HERC2: variants seen among roughly 807,000 people sequenced by gnomAD.
HERC2 encodes E3 ubiquitin-protein ligase HERC2.
In HERC2, 102 loss-of-function variants were observed where a neutral mutation model predicts 537.7. The observed-to-expected ratio is 0.19, with a 90% CI of 0.16 to 0.22. HERC2 has a LOEUF of 0.22. Ranked by LOEUF, HERC2 falls within the 10% of genes least tolerant of loss-of-function variation. The probability of loss-of-function intolerance (pLI) is 1.00; values close to 1 mark genes in which losing one functional copy is unlikely to be tolerated. For missense variants in HERC2, 4,236 were observed against 6,198.2 expected (o/e 0.68, Z 10.63); for synonymous variants, 2,224 against 2,466.2 (o/e 0.90, Z 2.91).
At position 28,212,565 on chromosome 15, in the gene HERC2, T is replaced by C. The variant is rs755541909; in HGVS notation, c.6805A>G (p.Asn2269Asp). Residue 2269 changes from asparagine to aspartate, a missense_variant, in exon 43 of 93, where the codon AAT (asparagine) becomes GAT (aspartate). By Grantham distance (23) the Asn-to-Asp change is conservative. Around this residue, in one of 27 missense-constraint regions of HERC2, gnomAD observed 67 missense variants for 140.1 expected, o/e 0.48. Coordinates refer to ENST00000261609, the MANE Select transcript of HERC2 (RefSeq NM_004667.6). Reference protein sequence around the residue: ...QLKPLPAVAFNVNNLPFTEPM... With the variant: ...QLKPLPAVAFDVNNLPFTEPM... ...TCTGTGAAGGGCAGGTTGTTCACATTAAAGGCCACGGCAGGGAGCTGGAGA... is the reference window on the plus strand; with the variant it reads ...TCTGTGAAGGGCAGGTTGTTCACATCAAAGGCCACGGCAGGGAGCTGGAGA... 5 of 1,604,766 alleles carry C rather than the reference T, an allele frequency of 3.1e-6. No individual in the cohort carries two copies. The highest frequency in any genetic ancestry group is 4.3e-6 in the Non-Finnish European group (5 of 1,173,892).
chr15:28,127,186 G>C (rs1889589500), intron 83 of HERC2, among the ~76,000 whole-genome samples: 1 of 152,222 alleles, frequency 6.6e-6, no homozygotes. Flanking sequence ...TGGTCCTAAA[G>C]CCACGAGGCG....
At chr15:28,274,241 C>CA (rs778248503) in intron 7 of HERC2, 50 bp downstream of exon 7, 3 of 1,599,288 alleles carry the variant, frequency 1.9e-6, no homozygotes, top group Non-Finnish European at 2.6e-6. Flanking sequence ...GAACCAGCCT[C>CA]AAGCAGGCCA....
rs551327935 is a variant in HERC2, at chr15:28,284,919, G to GAAA, written c.323-4635_323-4633dup. Among the ~76,000 whole-genome samples the GAAA allele has an allele frequency of 1.9e-3, 61 of 32,546 alleles. 8 individuals carry two copies. The highest frequency in any genetic ancestry group is 0.036 in the Middle Eastern group (1 of 28). 21.4% of individuals were successfully genotyped at this position (32,546 alleles called of 152,430 possible). A position where few individuals can be genotyped will look rare whatever the true frequency, so the allele number is the denominator to read the frequency against. ...GCAAAAGGAGCGAAACTCCGTCTCG[G>GAAA]AAAAAAAAAAAAAAAAAAAAAAAAA... On this transcript the variant is annotated intron_variant, in intron 4 of 92. Transcript: ENST00000261609.
At chr15:28,112,946 A>G (rs565215554) in intron 92 of HERC2, 125 bp downstream of exon 92, 3 of 740,924 alleles carry the variant, frequency 4.0e-6, no homozygotes, top group African/African-American at 3.5e-5. Context: ...GATGTTTTCC[A>G]TTTTCATTTC....
chr15:28,268,515 C>G lies in HERC2; in HGVS notation c.1548G>C (p.Val516=). The G allele has an allele frequency of 6.2e-7, 1 of 1,614,168 alleles. No homozygotes were observed. Among genetic ancestry groups the G allele is most frequent in the Non-Finnish European group, 8.5e-7 (1 of 1,179,998 alleles). ...CGCCGTCCCCACAGCCCCAGGAGTA[C>G]ACCTCTCCAGTAGCAGCCAAGGCTA... ...HYLALAATGE[V]YSWGCGDGGR... The change falls in exon 12 of 93, where the codon GTG becomes GTC. Residue 516 remains valine (V), a synonymous_variant. Coordinates refer to ENST00000261609, the MANE Select transcript of HERC2 (RefSeq NM_004667.6). The surrounding 1 kb of genome is among the most constrained non-coding windows in gnomAD (Gnocchi z 4.7).
Position 28,163,254 on chromosome 15 carries a change from G to C in HERC2, c.10586C>G (p.Pro3529Arg). ...DVESQNKAAG[P>R]EPQALDEFTS... ...GAACTCATCCAAGGCCTGAGGCTCC[G>C]GACCTGCTGCTTTATTTTGGCTTTC... is the stretch of plus-strand genomic sequence containing the variant. The change falls in exon 69 of 93, where the codon CCG becomes CGG. Residue 3529 changes from proline (P) to arginine (R), a missense_variant. Pro to Arg is a moderately radical substitution (Grantham distance 103, BLOSUM62 -2). Transcript: ENST00000261609. 6.2e-7 allele frequency: 1 copy of C among 1,613,470 alleles called. No homozygotes were observed. The highest frequency in any genetic ancestry group is 8.5e-7 in the Non-Finnish European group (1 of 1,179,956).
intron 4 of HERC2, among the ~76,000 whole-genome samples, chr15:28,285,505 T>A (rs1235356607): frequency 1.3e-5 from 2 of 151,648 alleles, no homozygotes; most frequent in Non-Finnish European, 2.9e-5. Context: ...TGAGAGAAAA[T>A]GCAAGTACAA....
intron 35 of HERC2, 78 bp downstream of exon 35, chr15:28,228,140 A>AG (rs895798825): frequency 3.5e-5 from 45 of 1,304,140 alleles, no homozygotes; most frequent in Non-Finnish European, 4.3e-5. Flanking sequence ...AAAAAAAAAA[A>AG]AAAAGAAAAG....
intron 79 of HERC2, among the ~76,000 whole-genome samples, chr15:28,135,267 C>CT (rs1890517012): frequency 1.3e-5 from 2 of 151,994 alleles, no homozygotes; most frequent in Admixed American, 6.6e-5. Flanking sequence ...ACAGAATTGA[C>CT]TTTTTTTTCC....
In HERC2 at chr15:28,230,362, T is replaced by G. The variant is rs34290977; in HGVS notation, c.4809+5A>C. On this transcript the variant is annotated splice_donor_5th_base_variant and intron_variant, in intron 31 of 92. Transcript: ENST00000261609. ...CCAACCTCAGAATCACAGAAAATAC[T>G]GCACCTTGGGTGATTTAATTGCAAT... 6.3e-7 allele frequency: 1 copy of G among 1,585,156 alleles called. No individual in the cohort carries two copies. Among genetic ancestry groups the G allele is most frequent in the Non-Finnish European group, 8.5e-7 (1 of 1,170,404 alleles).
intron 21 of HERC2, 55 bp from the exon 22 acceptor site, chr15:28,246,952 A>G: frequency 6.9e-7 from 1 of 1,447,956 alleles, no homozygotes; most frequent in Non-Finnish European, 9.6e-7. Flanking sequence ...TTCTTTGTAA[A>G]CAAACTAACT....
In HERC2 at chr15:28,116,673, C is replaced by T. The variant is rs1332131786; in HGVS notation, c.13601G>A (p.Arg4534His). 12 of 1,606,786 alleles carry T rather than the reference C, an allele frequency of 7.5e-6. No homozygotes were observed. The highest frequency in any genetic ancestry group is 2.7e-5 in the African/African-American group (2 of 74,754). The change falls in exon 88 of 93, where the codon CGC becomes CAC. Residue 4534 changes from arginine (R) to histidine (H), a missense_variant. Around this residue, in one of 27 missense-constraint regions of HERC2, gnomAD observed 313 missense variants for 462.6 expected, o/e 0.68. Transcript: ENST00000261609. The part of the protein sequence containing the change: ...ARAPVHSSMF[R>H]FLGVLLGIAI... ...GCGGCCGAGAAGCTCACCCAGGAAG[C>T]GGAACATGCTGCTGTGCACGGGTGC...
chr15:28,206,819 C>A (rs1271403749), intron 44 of HERC2, among the ~76,000 whole-genome samples: 1 of 119,960 alleles, frequency 8.3e-6, no homozygotes, highest in African/African-American at 3.4e-5. Flanking sequence ...GGCGACAGAC[C>A]AAGACTCGGT....
chr15:28,143,457 A>AT (rs1357605327), intron 74 of HERC2, among the ~76,000 whole-genome samples: 2 of 151,598 alleles, frequency 1.3e-5, no homozygotes, highest in Non-Finnish European at 2.9e-5. Context: ...TCATTTATTT[A>AT]TTTTTTTTGA....
At chr15:28,271,728 C>T (rs2075734336) in intron 9 of HERC2, among the ~76,000 whole-genome samples, 1 of 152,106 alleles carries the variant, frequency 6.6e-6, no homozygotes, top group Admixed American at 6.5e-5. Flanking sequence ...TATTGGAATG[C>T]CTAAGACTTT....
intron 44 of HERC2, among the ~76,000 whole-genome samples, chr15:28,208,119 A>G (rs1158557875): frequency 2.6e-5 from 4 of 152,272 alleles, no homozygotes; most frequent in East Asian, 1.9e-4. Flanking sequence ...TGTTCCCTAT[A>G]ACCTCTACTA....
intron 4 of HERC2, among the ~76,000 whole-genome samples, chr15:28,289,164 C>T (rs143193197): frequency 0.024 from 3,605 of 151,418 alleles, 112 homozygotes; most frequent in African/African-American, 0.076. Flanking sequence ...ACAGAGGTTG[C>T]CAGGGTGAAT....
intron 2 of HERC2, among the ~76,000 whole-genome samples, chr15:28,319,374 G>T (rs1261468743): frequency 2.0e-5 from 3 of 151,612 alleles, no homozygotes; most frequent in Non-Finnish European, 3.0e-5. Flanking sequence ...TCGCTTTGAG[G>T]TCAGGAGACC....
At chr15:28,167,552 G>T in intron 68 of HERC2, 135 bp downstream of exon 68, 1 of 1,028,726 alleles carries the variant, frequency 9.7e-7, no homozygotes, top group Non-Finnish European at 1.4e-6. Flanking sequence ...CAAACGCTTC[G>T]AAGATGCTAA....
Sources: gnomAD v4.1 joint callset for allele counts (sites outside exome capture counted in the v4.1 genomes callset) on GRCh38, gnomAD v4.1.1 for gene constraint, gnomAD v4.1.1 regional missense constraint, Gnocchi (gnomAD v3.1) non-coding constraint, MANE v1.5 for transcripts, NCBI Gene and HGNC (gene_info 2026-07-23, HGNC 2026-07-21) for gene names.